LRRTM4: variants seen among roughly 807,000 people sequenced by gnomAD.
LRRTM4 encodes the protein leucine-rich repeat transmembrane neuronal protein 4.
A neutral mutation model predicts 47.6 loss-of-function variants in LRRTM4; 25 were observed. The ratio of observed to expected loss-of-function variants is 0.53; its 90% CI spans 0.38 to 0.73. LRRTM4 has a LOEUF of 0.73. Ranked by LOEUF, LRRTM4 falls within the 30% of genes least tolerant of loss-of-function variation. The pLI is 0.00. For synonymous variants in LRRTM4, 311 were observed against 269.5 expected, an observed-to-expected ratio of 1.15 and a Z score of -1.51; for missense variants, 638 against 713.4, an observed-to-expected ratio of 0.89 and a Z score of 1.20.
At chr2:77,044,493 T>C (rs1302362055) in intron 3 of LRRTM4, among the ~76,000 whole-genome samples, 2 of 151,454 alleles carry the variant, frequency 1.3e-5, no homozygotes, top group African/African-American at 2.4e-5. Flanking sequence ...CATTCAAATG[T>C]TTCTTATAAT....
At chr2:77,220,962 C>T (rs1310727067) in intron 3 of LRRTM4, among the ~76,000 whole-genome samples, 1 of 152,178 alleles carries the variant, frequency 6.6e-6, no homozygotes, top group Non-Finnish European at 1.5e-5. Flanking sequence ...AGAGAAAAGT[C>T]AGCTTACCCA....
At chr2:76,984,119 T>G (rs1296402767) in intron 3 of LRRTM4, among the ~76,000 whole-genome samples, 4 of 152,048 alleles carry the variant, frequency 2.6e-5, no homozygotes, top group African/African-American at 9.6e-5. Context: ...GTTAAAATGT[T>G]AGTAATTGCA....
intron 3 of LRRTM4, among the ~76,000 whole-genome samples, chr2:77,411,597 C>T (rs111799940): frequency 2.0e-5 from 3 of 148,272 alleles, no homozygotes; most frequent in African/African-American, 7.4e-5. Context: ...AGACAACAGG[C>T]CCCCGCCACC....
chr2:77,033,107 G>T (rs78945364), intron 3 of LRRTM4, among the ~76,000 whole-genome samples: 1,910 of 152,138 alleles, frequency 0.013, 14 homozygotes, highest in Middle Eastern at 0.048. Flanking sequence ...AACTGCAGCA[G>T]AAATAATGTC....
intron 3 of LRRTM4, among the ~76,000 whole-genome samples, chr2:77,362,185 G>GGAAGGAAGGAAGGAAGGAAGGAAGGA (rs1558707532): frequency 6.6e-6 from 1 of 151,414 alleles, no homozygotes; most frequent in African/African-American, 2.4e-5. Context: ...AAGGAAGGAA[G>GGAAGGAAGGAAGGAAGGAAGGAAGGA]AGTTCTTAAT....
intron 3 of LRRTM4, among the ~76,000 whole-genome samples, chr2:76,887,767 A>G (rs192817501): frequency 6.6e-6 from 1 of 150,760 alleles, no homozygotes; most frequent in Admixed American, 6.6e-5. Flanking sequence ...TGCTGAGAAA[A>G]ACATAAGAAA....
intron 3 of LRRTM4, among the ~76,000 whole-genome samples, chr2:76,776,265 A>T (rs12967699): frequency 6.6e-6 from 1 of 152,148 alleles, no homozygotes; most frequent in African/African-American, 2.4e-5. Flanking sequence ...TCCTTTGGGT[A>T]TATACCCAGT....
intron 3 of LRRTM4, among the ~76,000 whole-genome samples, chr2:77,080,617 A>G (rs1680499422): frequency 6.6e-6 from 1 of 151,804 alleles, no homozygotes; most frequent in South Asian, 2.1e-4. Flanking sequence ...CAGTGGTTCA[A>G]ACTAAACACT....
chr2:76,958,319 A>G (rs1290645555), intron 3 of LRRTM4, among the ~76,000 whole-genome samples: 2 of 151,646 alleles, frequency 1.3e-5, no homozygotes, highest in African/African-American at 4.8e-5. Flanking sequence ...TTTGAGTTTG[A>G]CTCTATGGTT....
Position 77,501,437 on chromosome 2 carries a change from T to C in LRRTM4, c.1551+16881A>G, listed in dbSNP as rs375476075. On this transcript the variant is annotated intron_variant, in intron 3 of 3. Coordinates refer to ENST00000409884, the MANE Select transcript of LRRTM4 (RefSeq NM_001134745.3). Reference sequence around the variant, plus strand: ...TGATTTACAATTTAAATATAAAATTTTGAGGTTGTAATTAAATGACGTGAA... The same window carrying C: ...TGATTTACAATTTAAATATAAAATTCTGAGGTTGTAATTAAATGACGTGAA... Among the ~76,000 whole-genome samples the C allele has an allele frequency of 1.3e-4, 20 of 150,736 alleles. No individual in the cohort carries two copies. The East Asian group carries it at 1.5e-3, about 12-fold the overall frequency.
intron 3 of LRRTM4, among the ~76,000 whole-genome samples, chr2:77,253,272 G>T (rs1675672312): frequency 6.6e-6 from 1 of 152,108 alleles, no homozygotes; most frequent in Non-Finnish European, 1.5e-5. Context: ...ATACTTTAGG[G>T]TTATAAGATA....
chr2:77,087,512 A>T (rs766701458), intron 3 of LRRTM4, among the ~76,000 whole-genome samples: 47 of 152,254 alleles, frequency 3.1e-4, no homozygotes, highest in Non-Finnish European at 5.6e-4. Flanking sequence ...AATGTACTCA[A>T]GGTACAGACA....
chr2:77,462,493 A>ATCTC (rs1676825773), intron 3 of LRRTM4, among the ~76,000 whole-genome samples: 1 of 151,990 alleles, frequency 6.6e-6, no homozygotes, highest in South Asian at 2.1e-4. Context: ...ACAGCCCCTA[A>ATCTC]TCTCACTCCT....
In LRRTM4 at chr2:77,096,007, A is replaced by T. The variant is rs1002123849; in HGVS notation, c.1552-347091T>A. On this transcript the variant is annotated intron_variant, in intron 3 of 3. Transcript: ENST00000409884. ...TGTATTCTATACTTCAAAATTGCTT[A>T]AAAAAAGAGGTTTTAATGTTCTCAT... Among the ~76,000 whole-genome samples, 29 of 152,110 alleles carry T rather than the reference A, an allele frequency of 1.9e-4. 1 individual carries two copies. The highest frequency in any genetic ancestry group is 2.1e-4 in the South Asian group (1 of 4,830).
intron 3 of LRRTM4, among the ~76,000 whole-genome samples, chr2:76,825,398 G>A (rs1479236221): frequency 1.3e-5 from 2 of 151,532 alleles, no homozygotes; most frequent in African/African-American, 4.8e-5. Flanking sequence ...GAATAGAGAG[G>A]GAATTGATAT....
intron 3 of LRRTM4, among the ~76,000 whole-genome samples, chr2:76,998,994 G>GT (rs1453221132): frequency 7.1e-6 from 1 of 140,590 alleles, no homozygotes; most frequent in Admixed American, 7.1e-5. Flanking sequence ...TTTCCTATCA[G>GT]TCTAACTTAG....
chr2:77,282,497 G>A (rs1362782760), intron 3 of LRRTM4, among the ~76,000 whole-genome samples: 1 of 151,026 alleles, frequency 6.6e-6, no homozygotes, highest in Non-Finnish European at 1.5e-5. Flanking sequence ...AATAGAAATG[G>A]TAAAAGTGGG....
At chr2:77,212,510 C>T (rs1024760302) in intron 3 of LRRTM4, among the ~76,000 whole-genome samples, 3 of 147,704 alleles carry the variant, frequency 2.0e-5, no homozygotes, top group Non-Finnish European at 3.0e-5. Context: ...GAGTTAATCT[C>T]GTGTATATAT....
chr2:76,868,117 T>C (rs752848306), intron 3 of LRRTM4, among the ~76,000 whole-genome samples: 1 of 152,188 alleles, frequency 6.6e-6, no homozygotes, highest in Non-Finnish European at 1.5e-5. Context: ...ACAAACTGAA[T>C]CAGGAATGTA....
Sources: gnomAD v4.1 joint callset for allele counts (sites outside exome capture counted in the v4.1 genomes callset) on GRCh38, gnomAD v4.1.1 for gene constraint, MANE v1.5 for transcripts, NCBI Gene and HGNC (gene_info 2026-07-23, HGNC 2026-07-21) for gene names.